Variants in C19orf47 observed in about 807,000 individuals in gnomAD.
C19orf47 encodes uncharacterized protein C19orf47.
In C19orf47, 18 loss-of-function variants were observed where a neutral mutation model predicts 32.3. The ratio of observed to expected loss-of-function variants is 0.56; its 90% CI spans 0.39 to 0.83. The LOEUF is 0.83. Ranked by LOEUF, C19orf47 falls within the 40% of genes least tolerant of loss-of-function variation. The pLI is 0.00. For synonymous variants in C19orf47, 202 were observed against 211.1 expected (o/e 0.96, Z 0.37); for missense variants, 484 against 531.6 (o/e 0.91, Z 0.88).
At chr19:40,342,068 C>A (rs1313468458) in intron 1 of C19orf47, 178 bp from the exon 2 acceptor site, 1 of 985,308 alleles carries the variant, frequency 1.0e-6, no homozygotes, top group Non-Finnish European at 1.2e-6. Context: ...CCACCACCAT[C>A]ATCGCTTGTG....
chr19:40,338,296 T>C (rs2078108165), intron 2 of C19orf47, among the ~76,000 whole-genome samples: 5 of 127,680 alleles, frequency 3.9e-5, no homozygotes, highest in South Asian at 5.6e-4. Context: ...CACACAAATA[T>C]ATATATATAC....
At chr19:40,333,951 C>A in intron 4 of C19orf47, 22 bp from the exon 5 acceptor site, 1 of 1,540,738 alleles carries the variant, frequency 6.5e-7, no homozygotes, top group Non-Finnish European at 8.8e-7. Context: ...GAACAGGCAC[C>A]TGGGTCACCA....
chr19:40,333,297 AT>A (rs2077993969), intron 5 of C19orf47, among the ~76,000 whole-genome samples: 8 of 151,448 alleles, frequency 5.3e-5, no homozygotes, highest in African/African-American at 1.9e-4. Flanking sequence ...AAATAAATAA[AT>A]AAATAAATAA....
At chr19:40,344,728 T>C (rs1044473441) in intron 1 of C19orf47, among the ~76,000 whole-genome samples, 1 of 151,868 alleles carries the variant, frequency 6.6e-6, no homozygotes, top group Non-Finnish European at 1.5e-5. Context: ...ATCTAGCAAC[T>C]GACCTTACTG....
At position 40,336,163 on chromosome 19, in the gene C19orf47, C is replaced by T. The variant is rs2078060772; in HGVS notation, c.169G>A (p.Val57Met). 1.2e-6 allele frequency: 2 copies of T among 1,614,080 alleles called. No individual in the cohort carries two copies. The highest frequency in any genetic ancestry group is 1.1e-5 in the South Asian group (1 of 91,088). The stretch of plus-strand genomic sequence containing the variant: ...AGAATGGCGATGATGTCACCCACCA[C>T]GGTCACGCCCAGCTCATTCATTATC... ...KEIMNELGVT[V>M]VGDIIAILKH... Residue 57 changes from valine (V) to methionine (M), a missense_variant, in exon 4 of 9, where the codon GTG becomes ATG. By Grantham distance (21) the Val-to-Met change is conservative. Around this residue, in one of 3 missense-constraint regions of C19orf47, gnomAD observed 57 missense variants for 86.9 expected, o/e 0.66. Transcript: ENST00000683109.
intron 4 of C19orf47, 103 bp downstream of exon 4, chr19:40,336,007 C>G (rs2078057397): frequency 2.0e-6 from 2 of 980,396 alleles, no homozygotes; most frequent in Non-Finnish European, 3.1e-6. Flanking sequence ...GCCCTGGAAC[C>G]TGGGTCGGCC....
chr19:40,327,239 C>T (rs2077851202), intron 6 of C19orf47, among the ~76,000 whole-genome samples: 1 of 151,740 alleles, frequency 6.6e-6, no homozygotes, highest in Admixed American at 6.6e-5. Context: ...CTCTTGAACT[C>T]CTGACCTCAG....
Position 40,333,927 on chromosome 19 carries a change from G to T in C19orf47, c.225C>A (p.Asp75Glu), listed in dbSNP as rs1203845699. 2 of 1,562,206 alleles carry T rather than the reference G, an allele frequency of 1.3e-6. No homozygotes were observed. The change falls in exon 5 of 9, where the codon GAC becomes GAA. Residue 75 changes from aspartate to glutamate, a missense_variant and splice_region_variant. Around this residue, in one of 3 missense-constraint regions of C19orf47, gnomAD observed 376 missense variants for 370.2 expected, o/e 1.02. Transcript: ENST00000683109. Reference protein sequence around the residue: ...LKHAKVVHRQDMCKAATESVP... With the variant: ...LKHAKVVHRQEMCKAATESVP... ...CTGACTCAGTGGCAGCTTTGCACAT[G>T]TCCTGTGAAAAAAGAACAGGCACCT...
At chr19:40,332,975 T>A (rs1254201316) in intron 5 of C19orf47, among the ~76,000 whole-genome samples, 1 of 152,124 alleles carries the variant, frequency 6.6e-6, no homozygotes, top group East Asian at 1.9e-4. Flanking sequence ...AATAGCCCCC[T>A]GGACGGGAGC....
At chr19:40,324,365 C>G in intron 7 of C19orf47, 1 of 459,158 alleles carries the variant, frequency 2.2e-6, no homozygotes, top group Non-Finnish European at 4.0e-6. Context: ...CCTGCATGTT[C>G]CTTTCACTTC....
chr19:40,296,868 C>T, the C19orf47 span, among the ~76,000 whole-genome samples: 5 of 151,600 alleles, frequency 3.3e-5, no homozygotes, highest in Admixed American at 2.6e-4. Flanking sequence ...GAGCTGAGAT[C>T]GCACCATTGT....
the C19orf47 span, among the ~76,000 whole-genome samples, chr19:40,301,218 G>C: frequency 2.6e-5 from 4 of 151,952 alleles, no homozygotes; most frequent in Non-Finnish European, 4.4e-5. Context: ...ATGGGACTGA[G>C]CTGACAGATT....
At chr19:40,330,503 G>A (rs1186068299) in intron 5 of C19orf47, among the ~76,000 whole-genome samples, 1 of 147,918 alleles carries the variant, frequency 6.8e-6, no homozygotes, top group Non-Finnish European at 1.5e-5. Flanking sequence ...CTCCCAAAAT[G>A]CTGGGATTAC....
At chr19:40,327,160 T>C (rs756909150) in intron 6 of C19orf47, among the ~76,000 whole-genome samples, 8 of 151,894 alleles carry the variant, frequency 5.3e-5, no homozygotes, top group Non-Finnish European at 8.8e-5. Flanking sequence ...ATTACAGGCA[T>C]GCGCCACCAC....
At chr19:40,309,786 A>C in the C19orf47 span, among the ~76,000 whole-genome samples, 225 of 152,314 alleles carry the variant, frequency 1.5e-3, 1 homozygote, top group Non-Finnish European at 2.5e-3. Flanking sequence ...ATCATTAGCT[A>C]TCAGGAAATG....
chr19:40,313,481 C>G, the C19orf47 span, among the ~76,000 whole-genome samples: 1 of 152,048 alleles, frequency 6.6e-6, no homozygotes, highest in East Asian at 1.9e-4. Flanking sequence ...TGCGCCACCA[C>G]GCCGAGCTAA....
At chr19:40,308,691 T>G in the C19orf47 span, among the ~76,000 whole-genome samples, 1 of 141,682 alleles carries the variant, frequency 7.1e-6, no homozygotes, top group African/African-American at 2.6e-5. Flanking sequence ...CTCAAACTCC[T>G]CACCTCAAGT....
chr19:40,331,638 C>CA (rs1427851452), intron 5 of C19orf47, among the ~76,000 whole-genome samples: 1 of 151,776 alleles, frequency 6.6e-6, no homozygotes, highest in African/African-American at 2.4e-5. Flanking sequence ...ACTCCCATCT[C>CA]AAAAAATAAA....
At chr19:40,333,041 T>C (rs181284257) in intron 5 of C19orf47, among the ~76,000 whole-genome samples, 407 of 152,220 alleles carry the variant, frequency 2.7e-3, no homozygotes, top group Non-Finnish European at 4.5e-3. Flanking sequence ...GCAGATCACT[T>C]GAAGTCAGGA....
Sources: allele counts gnomAD v4.1 joint callset (sites outside exome capture counted in the v4.1 genomes callset), GRCh38; gene constraint gnomAD v4.1.1; regional missense constraint gnomAD v4.1.1; transcripts MANE v1.5; gene names NCBI Gene and HGNC (gene_info 2026-07-23, HGNC 2026-07-21).